The following SIPA1L3 variants were observed in gnomAD, a reference collection of about 807,000 sequenced individuals.
The protein encoded by SIPA1L3 is signal-induced proliferation-associated 1-like protein 3.
A neutral mutation model predicts 150.1 loss-of-function variants in SIPA1L3; 59 were observed. The ratio of observed to expected loss-of-function variants is 0.39; its 90% confidence interval spans 0.32 to 0.49. The LOEUF (loss-of-function observed/expected upper bound fraction) is 0.49, where lower values mean the gene tolerates loss of function less well. Among genes scored for constraint, SIPA1L3 ranks in the 20% least tolerant of loss-of-function variants. The probability of loss-of-function intolerance (pLI) is 0.86; values close to 1 mark genes in which losing one functional copy is unlikely to be tolerated. For missense variants in SIPA1L3, 2,211 were observed against 2,489.5 expected (o/e 0.89, Z 2.38); for synonymous variants, 1,070 against 1,077.6 (o/e 0.99, Z 0.14).
intron 6 of SIPA1L3, among the ~76,000 whole-genome samples, chr19:38,105,125 A>G (rs1970594266): frequency 6.6e-6 from 1 of 151,916 alleles, no homozygotes; most frequent in Non-Finnish European, 1.5e-5. Flanking sequence ...TGGGAGGCTG[A>G]GGCAGGTGGA....
chr19:38,033,896 C>T (rs1968717071), intron 2 of SIPA1L3, among the ~76,000 whole-genome samples: 1 of 152,112 alleles, frequency 6.6e-6, no homozygotes, highest in Non-Finnish European at 1.5e-5. Context: ...CCATTTGCAT[C>T]ATGGTATGTG....
At chr19:38,018,552 A>G (rs137910017) in intron 1 of SIPA1L3, among the ~76,000 whole-genome samples, 172 of 152,180 alleles carry the variant, frequency 1.1e-3, no homozygotes, top group African/African-American at 4.0e-3. Context: ...TTCACTCAAC[A>G]TCATGTTTTC....
intron 1 of SIPA1L3, among the ~76,000 whole-genome samples, chr19:38,018,017 C>T (rs1292723889): frequency 6.6e-6 from 1 of 152,132 alleles, no homozygotes; most frequent in Non-Finnish European, 1.5e-5. Context: ...TGCAGCCATC[C>T]AGCCACATGG....
At chr19:38,144,378 T>C (rs960422962) in intron 12 of SIPA1L3, among the ~76,000 whole-genome samples, 2 of 152,108 alleles carry the variant, frequency 1.3e-5, no homozygotes, top group Non-Finnish European at 2.9e-5. Context: ...AAGGATGGAG[T>C]GAGTGGGTTT....
intron 1 of SIPA1L3, among the ~76,000 whole-genome samples, chr19:37,983,732 C>T (rs930751232): frequency 4.0e-5 from 6 of 151,606 alleles, no homozygotes; most frequent in Non-Finnish European, 8.8e-5. Flanking sequence ...ATGGTGAAAC[C>T]CCGTCTGTAC....
intron 1 of SIPA1L3, among the ~76,000 whole-genome samples, chr19:37,999,258 G>A (rs1445775265): frequency 2.0e-5 from 3 of 152,160 alleles, no homozygotes; most frequent in Non-Finnish European, 4.4e-5. Context: ...AAACCCCCCA[G>A]TGACTGACTC....
rs544501261 is a variant in SIPA1L3 at position 38,134,576 on chromosome 19, G to A, written c.3143+3804G>A. 3.3e-5 allele frequency among the ~76,000 whole-genome samples: 5 copies of A among 151,502 alleles called. No individual in the cohort carries two copies. In the South Asian group the frequency reaches 8.4e-4, roughly 25 times the overall value. ...ACAAAAATTAGCCGGGCATGGTAGC[G>A]TGCGCCTGTAGTTCCAGCTATTCAG... On this transcript the variant is annotated intron_variant, in intron 10 of 21. Coordinates refer to ENST00000222345, the MANE Select transcript of SIPA1L3 (RefSeq NM_015073.3).
At chr19:37,955,769 G>A (rs537456876) in intron 1 of SIPA1L3, among the ~76,000 whole-genome samples, 3 of 152,172 alleles carry the variant, frequency 2.0e-5, no homozygotes, top group Non-Finnish European at 2.9e-5. Flanking sequence ...TTGTTTATTC[G>A]TTAACCATGA....
chr19:38,052,843 C>T (rs1969228426), intron 2 of SIPA1L3, among the ~76,000 whole-genome samples: 1 of 152,188 alleles, frequency 6.6e-6, no homozygotes, highest in Non-Finnish European at 1.5e-5. Flanking sequence ...CTTCCCCCTC[C>T]CACACTCAGA....
intron 13 of SIPA1L3, among the ~76,000 whole-genome samples, chr19:38,156,591 G>A (rs1032393379): frequency 2.0e-5 from 3 of 151,062 alleles, no homozygotes; most frequent in Non-Finnish European, 4.4e-5. Flanking sequence ...TTGGGAGGCC[G>A]AGGCGGGTGG....
intron 1 of SIPA1L3, among the ~76,000 whole-genome samples, chr19:37,977,590 C>T (rs917730361): frequency 2.6e-5 from 4 of 152,138 alleles, no homozygotes; most frequent in Admixed American, 1.3e-4. Context: ...CACGCCCCCC[C>T]CCACAGAAGT....
chr19:38,106,656 C>G lies in SIPA1L3; in HGVS notation c.2133+16C>G, dbSNP rs778096380. 6.4e-6 allele frequency: 10 copies of G among 1,570,776 alleles called. No homozygotes were observed. The highest frequency in any genetic ancestry group is 7.9e-6 in the Non-Finnish European group (9 of 1,140,622). ...CAGGCAGCAGGTCAGTGATTTTCAG[C>G]AGAGGCACGGCTGCCGGATGTTGGC... On this transcript the variant is annotated intron_variant, in intron 7 of 21. Coordinates refer to ENST00000222345, the MANE Select transcript of SIPA1L3 (RefSeq NM_015073.3).
intron 2 of SIPA1L3, among the ~76,000 whole-genome samples, chr19:38,030,054 A>G (rs1277781846): frequency 1.3e-5 from 2 of 151,984 alleles, no homozygotes; most frequent in Admixed American, 6.6e-5. Context: ...AGGTTTCACC[A>G]TGCTGGCCAG....
At chr19:38,106,872 C>T (rs1306967850) in intron 7 of SIPA1L3, among the ~76,000 whole-genome samples, 1 of 152,244 alleles carries the variant, frequency 6.6e-6, no homozygotes, top group Non-Finnish European at 1.5e-5. Flanking sequence ...CCCCAGCTAG[C>T]CCGACGCCCC....
rs144675702 is a variant in SIPA1L3, at chr19:38,051,893, C to T, written c.-311+22737C>T. On this transcript the variant is annotated intron_variant, in intron 2 of 21. Coordinates refer to ENST00000222345, the MANE Select transcript of SIPA1L3 (RefSeq NM_015073.3). ...ATCGCAGGCGTGAGCCACCACGCCC[C>T]ACTTGAGTTGTTTTAGTAATGGGGA... 3.7e-3 allele frequency among the ~76,000 whole-genome samples: 567 copies of T among 152,246 alleles called. 9 individuals are homozygous for T. In the South Asian group the frequency reaches 0.042, roughly 11 times the overall value.
intron 5 of SIPA1L3, 31 bp downstream of exon 5, chr19:38,100,181 C>T (rs1970469160): frequency 6.7e-7 from 1 of 1,499,706 alleles, no homozygotes; most frequent in African/African-American, 1.4e-5. Context: ...GGGGGTGCTG[C>T]TGGGGCAGTA....
chr19:38,096,173 C>T (rs1970376101), intron 4 of SIPA1L3, among the ~76,000 whole-genome samples: 1 of 152,140 alleles, frequency 6.6e-6, no homozygotes, highest in Admixed American at 6.6e-5. Context: ...GAAGTCATGA[C>T]ATGTTATTTT....
chr19:38,134,731 A>G (rs988996852), intron 10 of SIPA1L3, among the ~76,000 whole-genome samples: 203 of 134,736 alleles, frequency 1.5e-3, no homozygotes, highest in Non-Finnish European at 2.1e-3. Context: ...AAAAAAAAAA[A>G]AGGCACGTGG....
At chr19:37,969,047 C>T (rs996433366) in intron 1 of SIPA1L3, among the ~76,000 whole-genome samples, 1 of 152,154 alleles carries the variant, frequency 6.6e-6, no homozygotes, top group Non-Finnish European at 1.5e-5. Context: ...CAGTTACTCT[C>T]TAATATGCTC....
Sources: allele counts gnomAD v4.1 joint callset (sites outside exome capture counted in the v4.1 genomes callset), GRCh38; gene constraint gnomAD v4.1.1; transcripts MANE v1.5; gene names NCBI Gene and HGNC (gene_info 2026-07-23, HGNC 2026-07-21).